WDR90: variants seen among roughly 807,000 people sequenced by gnomAD.
The protein encoded by WDR90 is WD repeat domain 90.
A neutral mutation model predicts 195.2 loss-of-function variants in WDR90; 238 were observed. The ratio of observed to expected loss-of-function variants is 1.22; its 90% CI spans 1.10 to 1.36. The LOEUF (loss-of-function observed/expected upper bound fraction) is 1.36, where lower values mean the gene tolerates loss of function less well. Ranked by LOEUF, WDR90 falls within the 40% of genes most tolerant of loss-of-function variation. The pLI, the probability that WDR90 is intolerant of heterozygous loss-of-function variation, is 0.00. For missense variants in WDR90, 2,734 were observed against 2,439.5 expected, an observed-to-expected ratio of 1.12 and a Z score of -2.54; for synonymous variants, 1,265 against 1,052.4, an observed-to-expected ratio of 1.20 and a Z score of -3.91.
chr16:650,598 G>T lies in WDR90; in HGVS notation c.448G>T (p.Asp150Tyr). The T allele has an allele frequency of 6.2e-7, 1 of 1,612,736 alleles. No individual in the cohort carries two copies. Among genetic ancestry groups the T allele is most frequent in the Non-Finnish European group, 8.5e-7 (1 of 1,179,900 alleles). Residue 150 changes from aspartate (D) to tyrosine (Y), a missense_variant, in exon 5 of 41, where the codon GAC becomes TAC. By Grantham distance (160) the Asp-to-Tyr change is radical. Transcript: ENST00000293879. Reference sequence around the variant, plus strand: ...GACCTGCCTGCAGCTCGATCTGCAGGACGTTCTCCTGGTCTACCTGAACCG... The same window carrying T: ...GACCTGCCTGCAGCTCGATCTGCAGTACGTTCTCCTGGTCTACCTGAACCG... ...RWTCLQLDLQ[D>Y]VLLVYLNRCY...
At position 656,425 on chromosome 16, in the gene WDR90, G is replaced by A. The variant is rs772647954; in HGVS notation, c.2090G>A (p.Arg697His). 12 of 1,604,076 alleles carry A rather than the reference G, an allele frequency of 7.5e-6. No homozygotes were observed. Among genetic ancestry groups the A allele is most frequent in the African/African-American group, 2.7e-5 (2 of 74,730 alleles). The change falls in exon 18 of 41, where the codon CGC becomes CAC. Residue 697 changes from arginine (R) to histidine (H), a missense_variant. Physicochemically the swap from Arg to His is conservative, Grantham distance 29. Coordinates refer to ENST00000293879, the MANE Select transcript of WDR90 (RefSeq NM_145294.5). The part of the protein sequence containing the change: ...TLSRVYHMLA[R>H]SHTAPVLALA... ...TCCCGGGTGTACCACATGCTGGCTC[G>A]CTCCCACACCGCCCCGGTGTTGGCC...
Position 658,580 on chromosome 16 carries a change from G to A in WDR90, c.2822G>A (p.Arg941His), listed in dbSNP as rs772575485. 1.7e-5 allele frequency: 28 copies of A among 1,612,616 alleles called. No individual in the cohort carries two copies. Among genetic ancestry groups the A allele is most frequent in the Non-Finnish European group, 2.3e-5 (27 of 1,179,926 alleles). Reference sequence around the variant, plus strand: ...TCCTTGACGCTCAGTGAGGACGCCCGCTTCCTGCTGATTGCCGCCGGCCGG... The same window carrying A: ...TCCTTGACGCTCAGTGAGGACGCCCACTTCCTGCTGATTGCCGCCGGCCGG... ...CPSLTLSEDARFLLIAAGRTI... is the reference protein window; with the variant it reads ...CPSLTLSEDAHFLLIAAGRTI... Residue 941 changes from arginine to histidine, a missense_variant, in exon 23 of 41, where the codon CGC (arginine) becomes CAC (histidine). By Grantham distance (29) the Arg-to-His change is conservative (BLOSUM62 0). Transcript: ENST00000293879.
intron 23 of WDR90, 40 bp from the exon 24 acceptor site, chr16:658,856 C>T: frequency 6.2e-7 from 1 of 1,604,222 alleles, no homozygotes; most frequent in Non-Finnish European, 8.5e-7. Context: ...AGCATCCATG[C>T]CCCGCCTCGG....
chr16:651,083 T>C lies in WDR90; in HGVS notation c.648T>C (p.His216=). 1.2e-6 allele frequency: 2 copies of C among 1,613,174 alleles called. No individual in the cohort carries two copies. The highest frequency in any genetic ancestry group is 1.7e-6 in the Non-Finnish European group (2 of 1,179,806). Residue 216 remains histidine (H), a synonymous_variant, in exon 6 of 41, where the codon CAT becomes CAC. Transcript: ENST00000293879. The stretch of plus-strand genomic sequence containing the variant: ...CTGTGCCCAAGGGAGAGAGCTGGCA[T>C]GACCGCTACATCCACGTCCGGTGAG... ...AFPVPKGESW[H]DRYIHVRFPS...
Position 657,076 on chromosome 16 carries a change from C to G in WDR90, c.2343-15C>G, listed in dbSNP as rs1358248406. On this transcript the variant is annotated splice_polypyrimidine_tract_variant and intron_variant, in intron 19 of 40. Transcript: ENST00000293879. Reference sequence around the variant, plus strand: ...TTCGGGGCTAGGGCCAGCGGGGTCCCTGTGTGTGCTGCAGGTGCCACCGAG... The same window carrying G: ...TTCGGGGCTAGGGCCAGCGGGGTCCGTGTGTGTGCTGCAGGTGCCACCGAG... 6 of 1,596,270 alleles carry G rather than the reference C, an allele frequency of 3.8e-6. No homozygotes were observed. Among genetic ancestry groups the G allele is most frequent in the South Asian group, 1.1e-5 (1 of 89,130 alleles).
At chr16:662,186 A>G (rs1174935311) in intron 32 of WDR90, 34 bp from the exon 33 acceptor site, 1 of 1,518,890 alleles carries the variant, frequency 6.6e-7, no homozygotes, top group South Asian at 1.2e-5. Context: ...CTGGGAAGGC[A>G]GCCGTGGCCC....
intron 10 of WDR90, 57 bp downstream of exon 10, chr16:652,592 G>T: frequency 6.6e-7 from 1 of 1,523,968 alleles, no homozygotes. Flanking sequence ...CGAGCGCTGA[G>T]TACAGAACGG....
Position 666,135 on chromosome 16 carries a change from G to T in WDR90, c.4609+11G>T. 6.2e-7 allele frequency: 1 copy of T among 1,608,114 alleles called. No individual in the cohort carries two copies. Among genetic ancestry groups the T allele is most frequent in the Non-Finnish European group, 8.5e-7 (1 of 1,176,608 alleles). On this transcript the variant is annotated intron_variant, in intron 36 of 40. Transcript: ENST00000293879. ...CCTTCTCCACCGATGGTGAGGAGTT[G>T]GGTGTGTTGGGGATGGTGCCGTCCT...
Position 651,229 on chromosome 16 carries a change from C to G in WDR90, c.699C>G (p.Ser233=). The G allele has an allele frequency of 6.2e-7, 1 of 1,613,030 alleles. No individual in the cohort carries two copies. Among genetic ancestry groups the G allele is most frequent in the South Asian group, 1.1e-5 (1 of 91,074 alleles). Residue 233 remains serine, a synonymous_variant, in exon 7 of 41, where the codon TCC becomes TCG. Coordinates refer to ENST00000293879, the MANE Select transcript of WDR90 (RefSeq NM_145294.5). ...RFPSESLKVP[S]KPIEKSCSPP... The stretch of plus-strand genomic sequence containing the variant: ...CAAGTGAGAGCTTGAAAGTGCCTTC[C>G]AAGCCGATTGAGAAGAGCTGTTCCC...
chr16:659,299 G>A lies in WDR90; in HGVS notation c.3107G>A (p.Arg1036Gln), dbSNP rs749697025. 6.2e-6 allele frequency: 10 copies of A among 1,602,218 alleles called. No individual in the cohort carries two copies. Among genetic ancestry groups the A allele is most frequent in the African/African-American group, 2.7e-5 (2 of 74,710 alleles). The stretch of plus-strand genomic sequence containing the variant: ...GCGTCCAGGGCCAGCGAGCTCCCCC[G>A]GCAGCAGGTCCCCAAGCCATGTCAG... The part of the protein sequence containing the change: ...DAASRASELP[R>Q]QQVPKPCQAS... The change falls in exon 26 of 41, where the codon CGG becomes CAG. Residue 1036 changes from arginine (R) to glutamine (Q), a missense_variant. Physicochemically the swap from Arg to Gln is conservative, Grantham distance 43 (BLOSUM62 1). Coordinates refer to ENST00000293879, the MANE Select transcript of WDR90 (RefSeq NM_145294.5).
intron 3 of WDR90, 35 bp downstream of exon 3, chr16:650,202 C>A (rs1309770466): frequency 6.2e-7 from 1 of 1,610,302 alleles, no homozygotes; most frequent in Non-Finnish European, 8.5e-7. Flanking sequence ...GCGTGGGAGC[C>A]CCGGCACCCC....
At chr16:658,843 G>A (rs1596464961) in intron 23 of WDR90, 53 bp from the exon 24 acceptor site, 8 of 1,599,196 alleles carry the variant, frequency 5.0e-6, no homozygotes, top group Non-Finnish European at 6.8e-6. Context: ...CTGGGCACAC[G>A]GCAGCATCCA....
intron 7 of WDR90, 133 bp from the exon 8 acceptor site, chr16:651,511 T>C: frequency 9.6e-7 from 1 of 1,038,334 alleles, no homozygotes; most frequent in Admixed American, 2.2e-5. Context: ...AGGGTGGAAG[T>C]GGGGATACTG....
At chr16:652,689 G>C (rs2037670765) in intron 10 of WDR90, among the ~76,000 whole-genome samples, 154 bp downstream of exon 10, 1 of 152,218 alleles carries the variant, frequency 6.6e-6, no homozygotes, top group Non-Finnish European at 1.5e-5. Context: ...CCTGCAGTCC[G>C]CTGCTTCCCG....
Position 658,630 on chromosome 16 carries a change from A to G in WDR90, c.2872A>G (p.Thr958Ala). 6.2e-7 allele frequency: 1 copy of G among 1,612,212 alleles called. No individual in the cohort carries two copies. The highest frequency in any genetic ancestry group is 8.5e-7 in the Non-Finnish European group (1 of 1,179,624). ...GACCATCAAGGTGTGGGACTACGCC[A>G]CACAGGCCAGCCCAGGCCCCCAGGT... Reference protein sequence around the residue: ...GRTIKVWDYATQASPGPQVYI... With the variant: ...GRTIKVWDYAAQASPGPQVYI... The change falls in exon 23 of 41, where the codon ACA becomes GCA. Residue 958 changes from threonine to alanine, a missense_variant. By Grantham distance (58) the Thr-to-Ala change is moderately conservative. Coordinates refer to ENST00000293879, the MANE Select transcript of WDR90 (RefSeq NM_145294.5).
Position 660,082 on chromosome 16 carries a change from G to A in WDR90, c.3209G>A (p.Gly1070Glu), listed in dbSNP as rs2037863109. Residue 1070 changes from glycine (G) to glutamate (E), a missense_variant, in exon 27 of 41, where the codon GGG becomes GAG. By Grantham distance (98) the Gly-to-Glu change is moderately conservative. Coordinates refer to ENST00000293879, the MANE Select transcript of WDR90 (RefSeq NM_145294.5). ...GGCGCCAGGGACACCAGGAATTCGGGGGCCCCACGCACCACCTACCTGGCT... is the reference window on the plus strand; with the variant it reads ...GGCGCCAGGGACACCAGGAATTCGGAGGCCCCACGCACCACCTACCTGGCT... ...GDGARDTRNSGAPRTTYLASC... is the reference protein window; with the variant it reads ...GDGARDTRNSEAPRTTYLASC... 6.5e-7 allele frequency: 1 copy of A among 1,546,794 alleles called. No individual in the cohort carries two copies. The highest frequency in any genetic ancestry group is 8.7e-7 in the Non-Finnish European group (1 of 1,147,006).
chr16:653,777 G>A lies in WDR90; in HGVS notation c.1411G>A (p.Val471Ile). Residue 471 changes from valine (V) to isoleucine (I), a missense_variant, in exon 13 of 41, where the codon GTT (valine) becomes ATT (isoleucine). Transcript: ENST00000293879. The stretch of plus-strand genomic sequence containing the variant: ...TGACAGCGGGGCCCTTCTCTGCGGG[G>A]TTGGCAAGGACCACCACGGGAGGAC... ...FSDSGALLCG[V>I]GKDHHGRTMV... 6.2e-7 allele frequency: 1 copy of A among 1,613,256 alleles called. No individual in the cohort carries two copies. Among genetic ancestry groups the A allele is most frequent in the African/African-American group, 1.3e-5 (1 of 75,064 alleles).
chr16:665,437 C>T (rs2038003022), intron 34 of WDR90: 3 of 617,584 alleles, frequency 4.9e-6, no homozygotes, highest in Non-Finnish European at 5.7e-6. Context: ...CAGCTTTCTC[C>T]TCGGTATCCC....
chr16:657,386 G>A (rs1260909110), intron 20 of WDR90, 165 bp downstream of exon 20: 1 of 1,139,594 alleles, frequency 8.8e-7, no homozygotes, highest in Non-Finnish European at 1.2e-6. Flanking sequence ...TGAGGAGACT[G>A]TGGTTTAGCG....
Sources: gnomAD v4.1 joint callset for allele counts (sites outside exome capture counted in the v4.1 genomes callset) on GRCh38, gnomAD v4.1.1 for gene constraint, MANE v1.5 for transcripts, NCBI Gene and HGNC (gene_info 2026-07-23, HGNC 2026-07-21) for gene names.